Variants in DNAH17 observed in about 807,000 individuals in gnomAD.
DNAH17 encodes axonemal beta dynein heavy chain 17.
In DNAH17, 376 loss-of-function variants were observed where a neutral mutation model predicts 485.6. The observed-to-expected ratio is 0.77, with a 90% CI of 0.71 to 0.84. DNAH17 has a LOEUF of 0.84. DNAH17 is among the 40% of genes least tolerant of loss of function. DNAH17 has a pLI of 0.00. For synonymous variants in DNAH17, 3,031 were observed against 2,405.9 expected, an observed-to-expected ratio of 1.26 and a Z score of -7.60; for missense variants, 6,370 against 5,839.3, an observed-to-expected ratio of 1.09 and a Z score of -2.96.
In DNAH17 at chr17:78,469,727, T is replaced by C. The variant is rs544774028; in HGVS notation, c.8512-844A>G. Among the ~76,000 whole-genome samples, 43 of 152,330 alleles carry C rather than the reference T, an allele frequency of 2.8e-4. 1 individual carries two copies. The highest frequency in any genetic ancestry group is 9.6e-4 in the African/African-American group (40 of 41,566). ...AACGTGGTCCATCTGTGCAATGGAA[T>C]ATGATTTGGTCTTAAAAAGGGGAGG... On this transcript the variant is annotated intron_variant, in intron 54 of 80. Coordinates refer to ENST00000389840, the MANE Select transcript of DNAH17 (RefSeq NM_173628.4).
intron 11 of DNAH17, among the ~76,000 whole-genome samples, chr17:78,563,159 TTG>T (rs2092194041): frequency 6.6e-6 from 1 of 152,218 alleles, no homozygotes; most frequent in African/African-American, 2.4e-5. Flanking sequence ...TTTAAGTTAA[TTG>T]TGTTTTTCAA....
intron 16 of DNAH17, among the ~76,000 whole-genome samples, chr17:78,544,697 A>T (rs2091704344): frequency 6.7e-6 from 1 of 148,274 alleles, no homozygotes; most frequent in Non-Finnish European, 1.5e-5. Flanking sequence ...AGCTACCAGG[A>T]GGCTGAGGCA....
At chr17:78,473,326 C>T (rs559947076) in intron 54 of DNAH17, among the ~76,000 whole-genome samples, 4 of 152,020 alleles carry the variant, frequency 2.6e-5, no homozygotes, top group African/African-American at 7.2e-5. Context: ...GGGCAGATCA[C>T]GAGGTCAGGA....
At chr17:78,551,768 C>A (rs2091907498) in intron 15 of DNAH17, 130 bp from the exon 16 acceptor site, 2 of 770,610 alleles carry the variant, frequency 2.6e-6, no homozygotes, top group Non-Finnish European at 4.3e-6. Flanking sequence ...TCGAGACCAG[C>A]CTGGGCAACA....
At chr17:78,425,291 T>G in intron 80 of DNAH17, 55 bp downstream of exon 80, 1 of 1,548,522 alleles carries the variant, frequency 6.5e-7, no homozygotes, top group Admixed American at 1.7e-5. Flanking sequence ...TATCTTGTCT[T>G]GGCAAGTAGC....
chr17:78,456,655 A>G (rs1044224107), intron 62 of DNAH17, among the ~76,000 whole-genome samples: 1 of 152,168 alleles, frequency 6.6e-6, no homozygotes, highest in Non-Finnish European at 1.5e-5. Context: ...GAGGCACACC[A>G]CGGGTCTGAA....
chr17:78,548,508 C>CCT (rs879537873), intron 16 of DNAH17, among the ~76,000 whole-genome samples: 1 of 152,130 alleles, frequency 6.6e-6, no homozygotes, highest in Admixed American at 6.5e-5. Flanking sequence ...CCGGCCACGG[C>CCT]CTTTTTAATT....
At chr17:78,461,762 C>T (rs1175583903) in intron 57 of DNAH17, 54 bp from the exon 58 acceptor site, 35 of 1,551,422 alleles carry the variant, frequency 2.3e-5, no homozygotes, top group East Asian at 9.2e-5. Flanking sequence ...CGACACACGC[C>T]GCCCTGCACT....
intron 2 of DNAH17, among the ~76,000 whole-genome samples, chr17:78,573,219 T>C (rs775703541): frequency 2.0e-5 from 3 of 152,064 alleles, no homozygotes; most frequent in Admixed American, 6.5e-5. Flanking sequence ...CTGTGATGGG[T>C]CAAACTGTGT....
intron 11 of DNAH17, among the ~76,000 whole-genome samples, chr17:78,564,667 T>TC (rs2092231715): frequency 6.6e-6 from 1 of 151,966 alleles, no homozygotes. Context: ...ACAACCAGCC[T>TC]CCCTTGTCAA....
intron 62 of DNAH17, 57 bp downstream of exon 62, chr17:78,458,508 C>T (rs1022333894): frequency 2.7e-6 from 4 of 1,470,186 alleles, no homozygotes; most frequent in Non-Finnish European, 3.8e-6. Flanking sequence ...GTTGTGTGGG[C>T]TTGTCCCTTT....
At chr17:78,502,072 G>C in intron 33 of DNAH17, 199 bp from the exon 34 acceptor site, 1 of 659,470 alleles carries the variant, frequency 1.5e-6, no homozygotes, top group Non-Finnish European at 2.5e-6. Context: ...CCTGGCAGTG[G>C]CTAGCATGGA....
intron 16 of DNAH17, 31 bp from the exon 17 acceptor site, chr17:78,544,028 TG>T: frequency 6.2e-7 from 1 of 1,613,260 alleles, no homozygotes; most frequent in Non-Finnish European, 8.5e-7. Flanking sequence ...TGAGAAAAGG[TG>T]TTCTGGAGAA....
At chr17:78,432,904 C>A (rs1031430986) in intron 75 of DNAH17, among the ~76,000 whole-genome samples, 1 of 112,938 alleles carries the variant, frequency 8.9e-6, no homozygotes, top group Admixed American at 8.1e-5. Context: ...TCAAACGTGC[C>A]CCCCCCCCCC....
chr17:78,545,039 C>T (rs139483954), intron 16 of DNAH17, among the ~76,000 whole-genome samples: 1 of 152,096 alleles, frequency 6.6e-6, no homozygotes, highest in Non-Finnish European at 1.5e-5. Context: ...TTTCCTCCTC[C>T]TCACGGCTGC....
At chr17:78,510,571 C>T (rs988260379) in intron 26 of DNAH17, 65 bp from the exon 27 acceptor site, 2 of 1,588,404 alleles carry the variant, frequency 1.3e-6, no homozygotes, top group Non-Finnish European at 1.7e-6. Context: ...GGGCAGACGT[C>T]ATGATCCTTC....
At chr17:78,557,705 C>T (rs919154647) in intron 14 of DNAH17, among the ~76,000 whole-genome samples, 9 of 100,530 alleles carry the variant, frequency 9.0e-5, no homozygotes, top group African/African-American at 3.0e-4. Context: ...ATATTCATCA[C>T]CAGCTGTTCT....
intron 19 of DNAH17, 116 bp from the exon 20 acceptor site, chr17:78,532,852 C>G (rs2091278420): frequency 8.3e-6 from 10 of 1,209,860 alleles, no homozygotes; most frequent in Non-Finnish European, 1.1e-5. Flanking sequence ...CTTCCAATCT[C>G]TCATGATGAC....
intron 14 of DNAH17, among the ~76,000 whole-genome samples, chr17:78,553,258 A>G (rs1449929176): frequency 2.3e-5 from 3 of 131,480 alleles, no homozygotes; most frequent in African/African-American, 8.9e-5. Context: ...TTTTCTTTAT[A>G]AATTACCCAG....
Sources: gnomAD v4.1 joint callset for allele counts (sites outside exome capture counted in the v4.1 genomes callset) on GRCh38, gnomAD v4.1.1 for gene constraint, MANE v1.5 for transcripts, NCBI Gene and HGNC (gene_info 2026-07-23, HGNC 2026-07-21) for gene names.